Variants in ADA observed in about 807,000 individuals in gnomAD.
ADA encodes the protein adenosine aminohydrolase.
A neutral mutation model predicts 49.0 loss-of-function variants in ADA; 45 were observed. The ratio of observed to expected loss-of-function variants is 0.92; its 90% confidence interval spans 0.72 to 1.18. ADA has a LOEUF of 1.18. Among genes scored for constraint, ADA ranks in the 50% most tolerant of loss-of-function variants. The pLI is 0.00. For missense variants in ADA, 445 were observed against 472.5 expected (o/e 0.94, Z 0.54); for synonymous variants, 173 against 184.2 (o/e 0.94, Z 0.49).
intron 2 of ADA, among the ~76,000 whole-genome samples, chr20:44,632,839 C>T (rs1254711879): frequency 2.0e-5 from 3 of 152,230 alleles, no homozygotes; most frequent in African/African-American, 7.2e-5. Context: ...ATTATAGATG[C>T]CCACCACCAT....
chr20:44,637,593 T>A (rs1040034227), intron 1 of ADA, among the ~76,000 whole-genome samples: 2 of 152,022 alleles, frequency 1.3e-5, no homozygotes, highest in Non-Finnish European at 2.9e-5. Flanking sequence ...GAGAGCTGGA[T>A]AAGAAAGTTG....
At chr20:44,623,138 C>T in intron 6 of ADA, 60 bp from the exon 7 acceptor site, 1 of 1,609,088 alleles carries the variant, frequency 6.2e-7, no homozygotes, top group Non-Finnish European at 8.5e-7. Flanking sequence ...CAGGCCCTGC[C>T]TTGACCATGC....
At chr20:44,636,895 T>G (rs1164487363) in intron 1 of ADA, among the ~76,000 whole-genome samples, 1 of 152,030 alleles carries the variant, frequency 6.6e-6, no homozygotes, top group Non-Finnish European at 1.5e-5. Flanking sequence ...AACCTCCACC[T>G]CCTGGGTTCA....
chr20:44,638,437 C>T (rs1010952240), intron 1 of ADA, among the ~76,000 whole-genome samples: 10 of 151,964 alleles, frequency 6.6e-5, no homozygotes, highest in Non-Finnish European at 1.2e-4. Flanking sequence ...ATTAGCCAGG[C>T]GTGGTGGCGC....
chr20:44,641,684 C>T (rs528297085), intron 1 of ADA, among the ~76,000 whole-genome samples: 9 of 152,042 alleles, frequency 5.9e-5, no homozygotes, highest in South Asian at 4.1e-4. Context: ...GCGGTAGTCA[C>T]GTCCGCTTGT....
In ADA at chr20:44,620,246, C is replaced by A. The variant is rs560967077; in HGVS notation, c.1078+53G>T. 89 of 1,495,416 alleles carry A rather than the reference C, an allele frequency of 6.0e-5. No homozygotes were observed. In the South Asian group the frequency reaches 9.8e-4, roughly 17 times the overall value. The allele number at this position is 1,495,416 out of a possible 1,614,324, so 92.6% of individuals were successfully genotyped here. A position where few individuals can be genotyped will look rare whatever the true frequency, so the allele number is the denominator to read the frequency against. On this transcript the variant is annotated intron_variant, in intron 11 of 11. Transcript: ENST00000372874. The stretch of plus-strand genomic sequence containing the variant: ...ATCTTGCTAGAAGTCCCACAGAAAG[C>A]CACACTGGGGCCAGGACAGGGCAAC...
chr20:44,625,626 C>G lies in ADA; in HGVS notation c.421G>C (p.Glu141Gln). ...ALVGQGLQEGERDFGVKARSI... is the reference protein window; with the variant it reads ...ALVGQGLQEGQRDFGVKARSI... ...CGGGCCTTGACCCCGAAGTCTCGCT[C>G]CCCCTCCTGCAGGCCCTGGCCCACT... is the stretch of plus-strand genomic sequence containing the variant. Residue 141 changes from glutamate to glutamine, a missense_variant, in exon 5 of 12, where the codon GAG (glutamate) becomes CAG (glutamine). Transcript: ENST00000372874. The G allele has an allele frequency of 1.3e-6, 2 of 1,584,046 alleles. No homozygotes were observed. The highest frequency in any genetic ancestry group is 1.7e-6 in the Non-Finnish European group (2 of 1,164,712).
intron 8 of ADA, 60 bp from the exon 9 acceptor site, chr20:44,622,712 C>G (rs2065343642): frequency 6.2e-7 from 1 of 1,613,260 alleles, no homozygotes; most frequent in South Asian, 1.1e-5. Flanking sequence ...TTCCTCCCCC[C>G]ATGTCTGGGC....
At chr20:44,644,089 A>C (rs1225647975) in intron 1 of ADA, among the ~76,000 whole-genome samples, 1 of 141,862 alleles carries the variant, frequency 7.0e-6, no homozygotes, top group East Asian at 2.6e-4. Context: ...GTCTACCTCC[A>C]AGGCAAACCT....
chr20:44,637,141 T>C (rs930372476), intron 1 of ADA, among the ~76,000 whole-genome samples: 2 of 152,162 alleles, frequency 1.3e-5, no homozygotes, highest in South Asian at 2.1e-4. Context: ...TACTCAAGCA[T>C]AGCCTATCAG....
At position 44,623,001 on chromosome 20, in the gene ADA, C is replaced by T. The variant is rs1284729736; in HGVS notation, c.678+6G>A. 8 of 1,614,078 alleles carry T rather than the reference C, an allele frequency of 5.0e-6. No individual in the cohort carries two copies. The highest frequency in any genetic ancestry group is 1.6e-4 in the Middle Eastern group (1 of 6,084). On this transcript the variant is annotated splice_donor_region_variant and intron_variant, in intron 7 of 11. Transcript: ENST00000372874. ...GAGGGACCCCATGGCCAGCCCAGGC[C>T]CTCACCTCTTTTACTACTTCGGCCG... is the stretch of plus-strand genomic sequence containing the variant.
At chr20:44,647,670 C>T (rs561313014) in intron 1 of ADA, among the ~76,000 whole-genome samples, 1 of 152,164 alleles carries the variant, frequency 6.6e-6, no homozygotes, top group South Asian at 2.1e-4. Flanking sequence ...GTAATCCCAG[C>T]GCTTTGGGAA....
Position 44,619,785 on chromosome 20 carries a change from A to C in ADA, c.*49T>G, listed in dbSNP as rs1350442960. 5 of 1,613,108 alleles carry C rather than the reference A, an allele frequency of 3.1e-6. No homozygotes were observed. Among genetic ancestry groups the C allele is most frequent in the Admixed American group, 3.3e-5 (2 of 60,002 alleles). On this transcript the variant is annotated 3_prime_UTR_variant, in exon 12 of 12. Coordinates refer to ENST00000372874, the MANE Select transcript of ADA (RefSeq NM_000022.4). ...AAATGTAAAAATGTTGCTCAGCCCC[A>C]CAGAGTTGGGGTGACTCCACAGGGT...
At chr20:44,646,684 A>G (rs1470524578) in intron 1 of ADA, among the ~76,000 whole-genome samples, 1 of 151,996 alleles carries the variant, frequency 6.6e-6, no homozygotes, top group Non-Finnish European at 1.5e-5. Flanking sequence ...TGTCTACCTG[A>G]GGTACCCTAG....
chr20:44,641,033 G>T (rs1488389473), intron 1 of ADA, among the ~76,000 whole-genome samples: 1 of 152,162 alleles, frequency 6.6e-6, no homozygotes, highest in Non-Finnish European at 1.5e-5. Flanking sequence ...GCCATGCAGG[G>T]TGTGGCAACT....
chr20:44,649,759 AGC>A (rs1288499869), intron 1 of ADA, among the ~76,000 whole-genome samples: 15 of 120,520 alleles, frequency 1.2e-4, no homozygotes, highest in African/African-American at 4.8e-4. Context: ...TTTTTGAGAC[AGC>A]GTCTCACTCT....
intron 2 of ADA, among the ~76,000 whole-genome samples, chr20:44,633,516 T>A (rs963830586): frequency 2.6e-5 from 4 of 152,046 alleles, no homozygotes; most frequent in Admixed American, 2.0e-4. Context: ...TGACTCTGAG[T>A]GAGATGGGGA....
intron 1 of ADA, among the ~76,000 whole-genome samples, chr20:44,649,654 G>A (rs1313295967): frequency 6.6e-6 from 1 of 150,552 alleles, no homozygotes; most frequent in East Asian, 1.9e-4. Context: ...GATCCAATGG[G>A]TGTCTGCAAC....
intron 3 of ADA, among the ~76,000 whole-genome samples, chr20:44,627,653 T>A (rs115093395): frequency 1.1e-3 from 161 of 152,378 alleles, no homozygotes; most frequent in African/African-American, 3.8e-3. Flanking sequence ...TTGGGATGGC[T>A]GCGACCTCTC....
Sources: allele counts gnomAD v4.1 joint callset (sites outside exome capture counted in the v4.1 genomes callset), GRCh38; gene constraint gnomAD v4.1.1; transcripts MANE v1.5; gene names NCBI Gene and HGNC (gene_info 2026-07-23, HGNC 2026-07-21).